TTLL5: variants seen among roughly 807,000 people sequenced by gnomAD.
TTLL5 encodes tubulin tyrosine ligase like 5, also known as tubulin polyglutamylase TTLL5.
TTLL5 carries 132 observed loss-of-function variants against 168.4 expected under a neutral mutation model. That is an observed-to-expected ratio of 0.78 (90% CI 0.68 to 0.91). The LOEUF (loss-of-function observed/expected upper bound fraction) is 0.91, where lower values mean the gene tolerates loss of function less well. TTLL5 is among the 40% of genes least tolerant of loss of function. The pLI, the probability that TTLL5 is intolerant of heterozygous loss-of-function variation, is 0.00. For missense variants in TTLL5, 1,545 were observed against 1,581.5 expected (o/e 0.98, Z 0.39); for synonymous variants, 546 against 558.6 (o/e 0.98, Z 0.32).
At chr14:75,792,049 T>C (rs1415168400) in intron 26 of TTLL5, among the ~76,000 whole-genome samples, 3 of 152,014 alleles carry the variant, frequency 2.0e-5, no homozygotes, top group Non-Finnish European at 4.4e-5. Context: ...GCTGGGACTA[T>C]AAGCATGAGC....
intron 18 of TTLL5, among the ~76,000 whole-genome samples, chr14:75,755,642 C>G (rs937690119): frequency 6.6e-6 from 1 of 152,034 alleles, no homozygotes; most frequent in African/African-American, 2.4e-5. Flanking sequence ...TCATCTTTGT[C>G]AGTATCAAGA....
intron 30 of TTLL5, among the ~76,000 whole-genome samples, chr14:75,899,464 G>A (rs1354405209): frequency 1.3e-5 from 2 of 152,226 alleles, no homozygotes; most frequent in African/African-American, 2.4e-5. Context: ...TACCCATAAT[G>A]TGCCTAAAGT....
At chr14:75,681,750 G>A (rs1438705181) in intron 4 of TTLL5, 123 bp downstream of exon 4, 2 of 719,374 alleles carry the variant, frequency 2.8e-6, no homozygotes, top group Non-Finnish European at 4.7e-6. Flanking sequence ...CTTAGTGGTG[G>A]TCCAGAACTC....
At chr14:75,789,769 A>G (rs999375191) in intron 26 of TTLL5, among the ~76,000 whole-genome samples, 1 of 152,198 alleles carries the variant, frequency 6.6e-6, no homozygotes, top group African/African-American at 2.4e-5. Context: ...AAGACTCAAT[A>G]TCATCAAAGT....
At chr14:75,683,029 C>G (rs972341668) in intron 4 of TTLL5, among the ~76,000 whole-genome samples, 4 of 152,172 alleles carry the variant, frequency 2.6e-5, no homozygotes, top group African/African-American at 9.7e-5. Context: ...GCCTCGGCCT[C>G]CCAAAGTGCT....
chr14:75,709,796 A>G (rs1295977603), intron 9 of TTLL5: 1 of 141,224 alleles, frequency 7.1e-6, no homozygotes, highest in Non-Finnish European at 1.5e-5. Context: ...GTTCAAGACC[A>G]GTTTGGGCAA....
intron 27 of TTLL5, among the ~76,000 whole-genome samples, chr14:75,799,320 A>G (rs8019298): frequency 0.88 from 134,545 of 152,242 alleles, 59,796 homozygotes; most frequent in Admixed American, 0.92. Flanking sequence ...ATCCATTTGC[A>G]TGGAATATCT....
At chr14:75,903,745 A>G (rs949728395) in intron 31 of TTLL5, among the ~76,000 whole-genome samples, 4 of 151,928 alleles carry the variant, frequency 2.6e-5, no homozygotes, top group African/African-American at 9.7e-5. Flanking sequence ...AAAGTTTTTA[A>G]TTAGCCAGGT....
intron 6 of TTLL5, among the ~76,000 whole-genome samples, chr14:75,698,607 C>G (rs1886030894): frequency 6.6e-6 from 1 of 152,060 alleles, no homozygotes. Context: ...TCTTTTCATT[C>G]AAGAAAGAGG....
chr14:75,816,301 T>C (rs1050308331), intron 27 of TTLL5, among the ~76,000 whole-genome samples: 1 of 152,190 alleles, frequency 6.6e-6, no homozygotes, highest in Admixed American at 6.5e-5. Context: ...GTGCCTATAA[T>C]TCCAGCTACT....
chr14:75,694,168 T>C (rs953772869), intron 6 of TTLL5, among the ~76,000 whole-genome samples: 17 of 152,214 alleles, frequency 1.1e-4, no homozygotes, highest in Admixed American at 5.9e-4. Context: ...GGCCTTTGCC[T>C]CTGATTTTTC....
At chr14:75,698,494 C>T (rs1160217970) in intron 6 of TTLL5, among the ~76,000 whole-genome samples, 1 of 152,100 alleles carries the variant, frequency 6.6e-6, no homozygotes, top group East Asian at 1.9e-4. Flanking sequence ...CACTGTTTGC[C>T]TAAGGTCCTT....
At chr14:75,742,916 C>T (rs1284171915) in intron 15 of TTLL5, among the ~76,000 whole-genome samples, 1 of 152,202 alleles carries the variant, frequency 6.6e-6, no homozygotes, top group East Asian at 1.9e-4. Flanking sequence ...CTAAATCTTT[C>T]AACTTTCCCC....
intron 21 of TTLL5, among the ~76,000 whole-genome samples, chr14:75,774,268 T>C (rs1891576766): frequency 6.6e-6 from 1 of 152,218 alleles, no homozygotes; most frequent in South Asian, 2.1e-4. Context: ...ATCTGATTGG[T>C]ATCTGTTCAG....
At chr14:75,917,403 A>G (rs2033656508) in intron 31 of TTLL5, among the ~76,000 whole-genome samples, 1 of 152,228 alleles carries the variant, frequency 6.6e-6, no homozygotes, top group Admixed American at 6.5e-5. Context: ...CTTCATCTGA[A>G]AACTCGGCCC....
At chr14:75,748,707 C>G (rs1889761579) in intron 17 of TTLL5, among the ~76,000 whole-genome samples, 1 of 152,160 alleles carries the variant, frequency 6.6e-6, no homozygotes, top group Non-Finnish European at 1.5e-5. Context: ...TCCAAAGTGG[C>G]TATGTAAACT....
At chr14:75,799,530 T>G (rs1893170758) in intron 27 of TTLL5, among the ~76,000 whole-genome samples, 1 of 152,176 alleles carries the variant, frequency 6.6e-6, no homozygotes, top group Admixed American at 6.5e-5. Flanking sequence ...GAATACCTGG[T>G]GATTTTTGCA....
intron 24 of TTLL5, 87 bp from the exon 25 acceptor site, chr14:75,782,399 GT>G (rs1241604831): frequency 1.9e-6 from 2 of 1,044,124 alleles, no homozygotes; most frequent in East Asian, 5.1e-5. Flanking sequence ...TAGCAGTTGT[GT>G]TATATTTTTG....
In TTLL5 at chr14:75,808,031, A is replaced by C. The variant is rs558768589; in HGVS notation, c.3172-11976A>C. Among the ~76,000 whole-genome samples, 84 of 152,328 alleles carry C rather than the reference A, an allele frequency of 5.5e-4. No homozygotes were observed. The South Asian group carries it at 0.011, about 20-fold the overall frequency. On this transcript the variant is annotated intron_variant, in intron 27 of 31. Coordinates refer to ENST00000298832, the MANE Select transcript of TTLL5 (RefSeq NM_015072.5). Reference sequence around the variant, plus strand: ...CGACCAGACAAAACTCAGCCTTGTTAATCACTAGAGATGCAATAAGAATAG... The same window carrying C: ...CGACCAGACAAAACTCAGCCTTGTTCATCACTAGAGATGCAATAAGAATAG...
Sources: allele counts gnomAD v4.1 joint callset (sites outside exome capture counted in the v4.1 genomes callset), GRCh38; gene constraint gnomAD v4.1.1; transcripts MANE v1.5; gene names NCBI Gene and HGNC (gene_info 2026-07-23, HGNC 2026-07-21).